LIPG: variants seen among roughly 807,000 people sequenced by gnomAD.
LIPG encodes the protein lipase G, endothelial type.
LIPG carries 34 observed loss-of-function variants against 51.8 expected under a neutral mutation model. The ratio of observed to expected loss-of-function variants is 0.66; its 90% CI spans 0.50 to 0.87. The LOEUF (loss-of-function observed/expected upper bound fraction) is 0.87, where lower values mean the gene tolerates loss of function less well. LIPG is among the 40% of genes least tolerant of loss of function. LIPG has a pLI of 0.00. For missense variants in LIPG, 580 were observed against 652.7 expected (o/e 0.89, Z 1.21); for synonymous variants, 246 against 246.1 (o/e 1.00, Z 0.00).
chr18:49,563,810 C>CT (rs1303347935), intron 1 of LIPG, among the ~76,000 whole-genome samples: 9 of 152,090 alleles, frequency 5.9e-5, no homozygotes, highest in Non-Finnish European at 1.0e-4. Context: ...AGGAATGTAC[C>CT]TAGAGAACTT....
At chr18:49,567,644 C>T (rs1441185591) in intron 3 of LIPG, 23 bp downstream of exon 3, 2 of 1,611,474 alleles carry the variant, frequency 1.2e-6, no homozygotes, top group Non-Finnish European at 1.7e-6. Flanking sequence ...GAGAGGGAGT[C>T]TCCTGTCACC....
chr18:49,561,601 C>T (rs531082249), upstream of LIPG: 14 of 1,027,874 alleles, frequency 1.4e-5, no homozygotes, highest in East Asian at 3.9e-4. Flanking sequence ...AGGGGATGAC[C>T]AGGTGGCTCT....
chr18:49,583,498 C>G (rs1189571958), intron 7 of LIPG, 58 bp from the exon 8 acceptor site: 1 of 1,457,670 alleles, frequency 6.9e-7, no homozygotes, highest in Non-Finnish European at 9.6e-7. Flanking sequence ...TCACCCCACA[C>G]AGTGTGGCAG....
intron 8 of LIPG, among the ~76,000 whole-genome samples, chr18:49,585,987 C>A (rs1272356641): frequency 6.6e-6 from 1 of 152,166 alleles, no homozygotes; most frequent in African/African-American, 2.4e-5. Flanking sequence ...TTAAGCTCTT[C>A]TGAATGGGGC....
chr18:49,583,109 C>A (rs1213096489), intron 7 of LIPG, among the ~76,000 whole-genome samples: 3 of 152,152 alleles, frequency 2.0e-5, no homozygotes, highest in Non-Finnish European at 2.9e-5. Context: ...AGATGCCTGT[C>A]TGTGGGATGG....
At chr18:49,590,342 G>A (rs2084928213) in intron 9 of LIPG, 159 bp from the exon 10 acceptor site, 1 of 808,662 alleles carries the variant, frequency 1.2e-6, no homozygotes. Context: ...CAGCACTCGG[G>A]ACCTTGTCCA....
chr18:49,577,640 C>CG (rs2084734955), intron 5 of LIPG, among the ~76,000 whole-genome samples: 1 of 142,742 alleles, frequency 7.0e-6, no homozygotes, highest in African/African-American at 2.8e-5. Flanking sequence ...GCTGGCCGGG[C>CG]AGGGGGCTGA....
At chr18:49,580,312 G>A (rs2084805137) in intron 5 of LIPG, among the ~76,000 whole-genome samples, 1 of 152,158 alleles carries the variant, frequency 6.6e-6, no homozygotes, top group Admixed American at 6.5e-5. Context: ...TTAATTGAAG[G>A]GATTAGACTA....
intron 1 of LIPG, among the ~76,000 whole-genome samples, chr18:49,564,923 C>A (rs1485087673): frequency 6.6e-6 from 1 of 152,132 alleles, no homozygotes; most frequent in Non-Finnish European, 1.5e-5. Context: ...TCCATGATGC[C>A]TTTCTAAAAT....
At position 49,567,637 on chromosome 18, in the gene LIPG, A is replaced by AGG; in HGVS notation, c.459+18_459+19dup. 6.2e-7 allele frequency: 1 copy of AGG among 1,613,136 alleles called. No homozygotes were observed. Among genetic ancestry groups the AGG allele is most frequent in the Non-Finnish European group, 8.5e-7 (1 of 1,179,728 alleles). On this transcript the variant is annotated intron_variant, in intron 3 of 9. Transcript: ENST00000261292. ...CTGGCTGCAGGTACTGGGGGATGAG[A>AGG]GGGAGTCTCCTGTCACCAGCAGGAT... is the stretch of plus-strand genomic sequence containing the variant.
intron 6 of LIPG, 118 bp from the exon 7 acceptor site, chr18:49,582,244 G>T (rs1350128198): frequency 1.8e-5 from 23 of 1,288,360 alleles, no homozygotes; most frequent in Non-Finnish European, 2.6e-5. Flanking sequence ...CTGCAGGCTG[G>T]GCTCAACCAA....
In LIPG at chr18:49,590,868, G is replaced by A. The variant is rs41495445; in HGVS notation, c.*346G>A. The A allele has an allele frequency of 2.7e-3, 1,081 of 398,736 alleles. 12 individuals are homozygous for A. Among genetic ancestry groups the A allele is most frequent in the African/African-American group, 0.019 (938 of 49,224 alleles). The allele number at this position is 398,736 out of a possible 1,614,324, so 24.7% of individuals were successfully genotyped here. A position where few individuals can be genotyped will look rare whatever the true frequency, so the allele number is the denominator to read the frequency against. On this transcript the variant is annotated 3_prime_UTR_variant, in exon 10 of 10. Transcript: ENST00000261292. ...TGGGCGAGCCTGTACTCTGCCTGAC[G>A]AGGAACGCTGGCTCCGAAGAGGCCC...
At position 49,562,226 on chromosome 18, in the gene LIPG, C is replaced by T; in HGVS notation, c.-83C>T. 4.4e-6 allele frequency: 7 copies of T among 1,607,734 alleles called. No individual in the cohort carries two copies. The highest frequency in any genetic ancestry group is 4.5e-5 in the East Asian group (2 of 44,824). On this transcript the variant is annotated 5_prime_UTR_variant, in exon 1 of 10. Coordinates refer to ENST00000261292, the MANE Select transcript of LIPG (RefSeq NM_006033.4). Reference sequence around the variant, plus strand: ...CCCCTGGCCGAGAGAAGGGTCTTACCGGCCGGGATTGCTGGAAACACCAAG... The same window carrying T: ...CCCCTGGCCGAGAGAAGGGTCTTACTGGCCGGGATTGCTGGAAACACCAAG...
intron 5 of LIPG, among the ~76,000 whole-genome samples, chr18:49,578,854 C>A (rs1460181177): frequency 4.7e-5 from 7 of 150,484 alleles, no homozygotes; most frequent in Non-Finnish European, 1.0e-4. Flanking sequence ...AACCCCGTCT[C>A]CACCAAAACC....
Position 49,570,950 on chromosome 18 carries a change from A to C in LIPG, c.571+1402A>C, listed in dbSNP as rs542821952. Among the ~76,000 whole-genome samples, 167 of 152,308 alleles carry C rather than the reference A, an allele frequency of 1.1e-3. 1 individual carries two copies. The highest frequency in any genetic ancestry group is 3.4e-3 in the Middle Eastern group (1 of 294). On this transcript the variant is annotated intron_variant, in intron 4 of 9. Transcript: ENST00000261292. ...AGAATTTTAAAAAGAATATTTGTGA[A>C]GTTTTCCTGGCTCTCCTGAATCCTG...
intron 5 of LIPG, among the ~76,000 whole-genome samples, chr18:49,579,269 G>A (rs548598481): frequency 4.8e-5 from 7 of 145,684 alleles, no homozygotes; most frequent in Non-Finnish European, 7.5e-5. Context: ...TTAATTTTTG[G>A]TAACATTTTA....
intron 1 of LIPG, among the ~76,000 whole-genome samples, chr18:49,563,234 G>A (rs1210498906): frequency 6.6e-6 from 1 of 152,180 alleles, no homozygotes; most frequent in Non-Finnish European, 1.5e-5. Context: ...GTGTGGGCTT[G>A]TGTATGTGTG....
At chr18:49,573,143 C>T (rs530995022) in intron 4 of LIPG, among the ~76,000 whole-genome samples, 4 of 152,290 alleles carry the variant, frequency 2.6e-5, no homozygotes, top group Admixed American at 2.0e-4. Flanking sequence ...TGGCACTGAC[C>T]GTCTGGTGGG....
At chr18:49,564,518 C>A (rs571342785) in intron 1 of LIPG, among the ~76,000 whole-genome samples, 10 of 152,352 alleles carry the variant, frequency 6.6e-5, no homozygotes, top group African/African-American at 1.9e-4. Flanking sequence ...TTCTCCATGG[C>A]TTTAGTCATT....
Sources: gnomAD v4.1 joint callset for allele counts (sites outside exome capture counted in the v4.1 genomes callset) on GRCh38, gnomAD v4.1.1 for gene constraint, MANE v1.5 for transcripts, NCBI Gene and HGNC (gene_info 2026-07-23, HGNC 2026-07-21) for gene names.